Variants in RETREG3 observed in about 807,000 individuals in gnomAD.
RETREG3 encodes the protein reticulophagy regulator family member 3, also known as reticulophagy regulator 3.
In RETREG3, 23 loss-of-function variants were observed where a neutral mutation model predicts 50.2. The observed-to-expected ratio is 0.46, with a 90% confidence interval of 0.33 to 0.65. RETREG3 has a LOEUF of 0.65. Ranked by LOEUF, RETREG3 falls within the 30% of genes least tolerant of loss-of-function variation. RETREG3 has a pLI of 0.02. For synonymous variants in RETREG3, 240 were observed against 234.4 expected (o/e 1.02, Z -0.22); for missense variants, 546 against 598.0 (o/e 0.91, Z 0.91).
At chr17:42,599,948 C>T (rs952502432) in intron 1 of RETREG3, among the ~76,000 whole-genome samples, 12 of 151,248 alleles carry the variant, frequency 7.9e-5, no homozygotes, top group Non-Finnish European at 1.3e-4. Context: ...GAGCCGTTAT[C>T]GTGCCACTGT....
At chr17:42,600,989 G>A (rs907124414) in intron 1 of RETREG3, among the ~76,000 whole-genome samples, 1 of 151,972 alleles carries the variant, frequency 6.6e-6, no homozygotes, top group Non-Finnish European at 1.5e-5. Flanking sequence ...AAAAAACAAT[G>A]AATGGGCCAG....
intron 1 of RETREG3, among the ~76,000 whole-genome samples, chr17:42,597,937 GTTAT>G (rs2093151004): frequency 7.1e-6 from 1 of 141,108 alleles, no homozygotes; most frequent in African/African-American, 2.6e-5. Flanking sequence ...GCCAAGAAAC[GTTAT>G]TTTATACCAC....
At chr17:42,599,921 G>A (rs1191552819) in intron 1 of RETREG3, among the ~76,000 whole-genome samples, 1 of 151,954 alleles carries the variant, frequency 6.6e-6, no homozygotes, top group Non-Finnish European at 1.5e-5. Context: ...TTGAGTCCGG[G>A]AAACTGAGGT....
intron 5 of RETREG3, 59 bp from the exon 6 acceptor site, chr17:42,585,321 C>T (rs1332506276): frequency 6.3e-7 from 1 of 1,596,698 alleles, no homozygotes; most frequent in Non-Finnish European, 8.5e-7. Flanking sequence ...AAAACATTCC[C>T]AACTGTAGCG....
At chr17:42,591,353 T>C (rs1376084852) in intron 2 of RETREG3, among the ~76,000 whole-genome samples, 2 of 152,024 alleles carry the variant, frequency 1.3e-5, no homozygotes, top group Non-Finnish European at 2.9e-5. Flanking sequence ...TTTTTTTTTT[T>C]TTTTGAGACT....
intron 2 of RETREG3, among the ~76,000 whole-genome samples, chr17:42,590,593 G>A (rs1370669230): frequency 6.6e-6 from 1 of 151,788 alleles, no homozygotes; most frequent in African/African-American, 2.4e-5. Flanking sequence ...AATTGCTGGA[G>A]CCCGGAAGGT....
In RETREG3 at chr17:42,584,889, T is replaced by C. The variant is rs146308741; in HGVS notation, c.727+236A>G. ...TTCACTGTCTAGCTTTTATTCAACTTGAAAGAGCTTTTATCAGATAGGTTT... is the reference window on the plus strand; with the variant it reads ...TTCACTGTCTAGCTTTTATTCAACTCGAAAGAGCTTTTATCAGATAGGTTT... On this transcript the variant is annotated intron_variant, in intron 6 of 8. Transcript: ENST00000309428. 2.6e-5 allele frequency among the ~76,000 whole-genome samples: 4 copies of C among 151,212 alleles called. No homozygotes were observed. The East Asian group carries it at 7.8e-4, about 29-fold the overall frequency.
At chr17:42,608,880 A>T (rs1439453881) in intron 1 of RETREG3, 2 of 576,540 alleles carry the variant, frequency 3.5e-6, no homozygotes, top group African/African-American at 3.8e-5. Flanking sequence ...GGCACAGGTA[A>T]GGCAGAGAAG....
rs755200969 is a variant in RETREG3, at chr17:42,582,794, TAG to T, written c.821_822del (p.Ser274TyrfsTer12). 1 of 1,614,174 alleles carries T rather than the reference TAG, an allele frequency of 6.2e-7. No homozygotes were observed. Among genetic ancestry groups the T allele is most frequent in the Non-Finnish European group, 8.5e-7 (1 of 1,180,024 alleles). On this transcript the variant is annotated frameshift_variant, in exon 8 of 9. Coordinates refer to ENST00000309428, the MANE Select transcript of RETREG3 (RefSeq NM_178126.4). LOFTEE classifies it high-confidence loss of function. ...LAAFCPQLDDSTVARELAITD... is the reference protein window; with the variant it reads ...LAAFCPQLDDXTVARELAITD... Reference sequence around the variant, plus strand: ...GTGATGGCCAATTCCCTGGCAACAGTAGAATCGTCCAGCTTAGGAAAAGACCA... The same window carrying T: ...GTGATGGCCAATTCCCTGGCAACAGTAATCGTCCAGCTTAGGAAAAGACCA...
intron 1 of RETREG3, among the ~76,000 whole-genome samples, chr17:42,603,803 C>T (rs979734327): frequency 3.3e-5 from 5 of 152,066 alleles, no homozygotes; most frequent in African/African-American, 7.2e-5. Context: ...CGGTGAAACC[C>T]GGTCTCTACT....
intron 6 of RETREG3, 75 bp downstream of exon 6, chr17:42,585,050 A>C (rs2093118355): frequency 1.9e-6 from 3 of 1,561,608 alleles, no homozygotes; most frequent in South Asian, 2.3e-5. Flanking sequence ...GGACCCACCC[A>C]GTATGTCAGA....
Position 42,592,254 on chromosome 17 carries a change from C to G in RETREG3, c.240-92G>C, listed in dbSNP as rs369437914. The G allele has an allele frequency of 7.9e-6, 8 of 1,009,738 alleles. No homozygotes were observed. In the African/African-American group the frequency reaches 1.3e-4, roughly 16 times the overall value. 62.5% of individuals were successfully genotyped at this position (1,009,738 alleles called of 1,614,324 possible). ...TGTGTACGATGGGCTCTGTGGTAAA[C>G]AGACTTGAGGTCTAGCTTTTTTTGT... On this transcript the variant is annotated intron_variant, in intron 1 of 8. Coordinates refer to ENST00000309428, the MANE Select transcript of RETREG3 (RefSeq NM_178126.4).
chr17:42,587,748 A>G, intron 3 of RETREG3, 86 bp downstream of exon 3: 1 of 1,524,448 alleles, frequency 6.6e-7, no homozygotes, highest in Admixed American at 1.7e-5. Context: ...CTGTGTGTCC[A>G]GAACATGGGG....
At chr17:42,598,084 C>T (rs562664184) in intron 1 of RETREG3, among the ~76,000 whole-genome samples, 18 of 147,992 alleles carry the variant, frequency 1.2e-4, no homozygotes, top group Admixed American at 8.9e-4. Flanking sequence ...CGGGTTCATG[C>T]CATTCTCCTG....
chr17:42,602,179 T>C (rs1284616435), intron 1 of RETREG3, among the ~76,000 whole-genome samples: 1 of 151,728 alleles, frequency 6.6e-6, no homozygotes, highest in African/African-American at 2.4e-5. Flanking sequence ...AGCCAAGACA[T>C]GGTGGTGCAC....
At chr17:42,606,252 T>C (rs746732526) in intron 1 of RETREG3, among the ~76,000 whole-genome samples, 15 of 152,142 alleles carry the variant, frequency 9.9e-5, no homozygotes, top group African/African-American at 1.4e-4. Context: ...AAATTAAAGC[T>C]AGCTGTAACA....
At chr17:42,608,959 A>T in intron 1 of RETREG3, 127 bp downstream of exon 1, 1 of 937,930 alleles carries the variant, frequency 1.1e-6, no homozygotes. Context: ...GAAGGAGGTG[A>T]GGCAAAATTA....
chr17:42,593,151 C>T (rs1053860822), intron 1 of RETREG3, among the ~76,000 whole-genome samples: 6 of 152,092 alleles, frequency 3.9e-5, no homozygotes, highest in African/African-American at 1.4e-4. Context: ...ACCAATATTC[C>T]TTATGAATAT....
At chr17:42,608,070 A>G (rs1459946366) in intron 1 of RETREG3, among the ~76,000 whole-genome samples, 1 of 152,234 alleles carries the variant, frequency 6.6e-6, no homozygotes, top group Non-Finnish European at 1.5e-5. Context: ...TTTGATTTTA[A>G]AACAAATTTT....
Sources: gnomAD v4.1 joint callset for allele counts (sites outside exome capture counted in the v4.1 genomes callset) on GRCh38, gnomAD v4.1.1 for gene constraint, MANE v1.5 for transcripts, NCBI Gene and HGNC (gene_info 2026-07-23, HGNC 2026-07-21) for gene names.